The following USP25 variants were observed in gnomAD, a reference collection of about 807,000 sequenced individuals.
The protein encoded by USP25 is ubiquitin carboxyl-terminal hydrolase 25.
USP25 carries 85 observed loss-of-function variants against 158.5 expected under a neutral mutation model. That is an observed-to-expected ratio of 0.54 (90% CI 0.45 to 0.64). The LOEUF is 0.64. Ranked by LOEUF, USP25 falls within the 30% of genes least tolerant of loss-of-function variation. The pLI is 0.00. For missense variants in USP25, 1,242 were observed against 1,327.3 expected, an observed-to-expected ratio of 0.94 and a Z score of 1.00; for synonymous variants, 464 against 460.4, an observed-to-expected ratio of 1.01 and a Z score of -0.10.
chr21:15,749,523 A>G (rs1457352325), intron 1 of USP25, among the ~76,000 whole-genome samples: 2 of 152,330 alleles, frequency 1.3e-5, no homozygotes, highest in South Asian at 2.1e-4. Context: ...TAGGTTTTCA[A>G]TTGCATGTGT....
intron 8 of USP25, among the ~76,000 whole-genome samples, chr21:15,810,935 A>G (rs937428651): frequency 6.6e-6 from 1 of 152,334 alleles, no homozygotes; most frequent in Middle Eastern, 3.4e-3. Context: ...TGCAGCTATC[A>G]TAGTTATCCG....
chr21:15,743,319 C>T (rs2032236085), intron 1 of USP25, among the ~76,000 whole-genome samples: 1 of 152,196 alleles, frequency 6.6e-6, no homozygotes, highest in Non-Finnish European at 1.5e-5. Context: ...TCTTTGTTCC[C>T]ACCGTTTGGC....
At chr21:15,802,117 C>T (rs1386696465) in intron 6 of USP25, among the ~76,000 whole-genome samples, 1 of 151,440 alleles carries the variant, frequency 6.6e-6, no homozygotes, top group African/African-American at 2.4e-5. Flanking sequence ...CAAAGATGCA[C>T]ATGTATAATA....
chr21:15,824,134 A>G lies in USP25; in HGVS notation c.1176A>G (p.Lys392=). The change falls in exon 11 of 26, where the codon AAA becomes AAG. Residue 392 remains lysine (K), a synonymous_variant. Transcript: ENST00000400183. ...ALGRPEKIHN[K]LEFPQVLYLD... is the part of the protein sequence containing the mutation. ...GAAGACCAGAAAAAATTCACAACAAATTAGAATTTCCCCAAGTTTTATATT... is the reference window on the plus strand; with the variant it reads ...GAAGACCAGAAAAAATTCACAACAAGTTAGAATTTCCCCAAGTTTTATATT... 1.2e-6 allele frequency: 2 copies of G among 1,613,438 alleles called. No homozygotes were observed. The highest frequency in any genetic ancestry group is 1.7e-6 in the Non-Finnish European group (2 of 1,179,834).
chr21:15,833,011 C>G (rs974391121), intron 16 of USP25, among the ~76,000 whole-genome samples: 3 of 151,972 alleles, frequency 2.0e-5, no homozygotes, highest in African/African-American at 7.2e-5. Context: ...GCATGACACT[C>G]TGTCTCAAAA....
chr21:15,797,677 G>A (rs1287374808), intron 5 of USP25, among the ~76,000 whole-genome samples: 1 of 151,214 alleles, frequency 6.6e-6, no homozygotes, highest in Non-Finnish European at 1.5e-5. Flanking sequence ...CTTCTAACCT[G>A]CCAAGATTCT....
rs2040045452 is a variant in USP25 at position 15,875,017 on chromosome 21, C to G, written c.3009+491C>G. Among the ~76,000 whole-genome samples the G allele has an allele frequency of 1.3e-5, 2 of 151,924 alleles. No homozygotes were observed. The highest frequency in any genetic ancestry group is 2.1e-4 in the South Asian group (1 of 4,814). On this transcript the variant is annotated intron_variant, in intron 24 of 25. Transcript: ENST00000400183. The surrounding 1 kb of genome is among the most constrained non-coding windows in gnomAD (Gnocchi z 4.7). ...CCATCTCGACTAAAATACACAAACA[C>G]AAAAATTAGCTGGATATGGTGGTGT...
At chr21:15,857,764 G>A (rs548140159) in intron 20 of USP25, among the ~76,000 whole-genome samples, 3 of 151,954 alleles carry the variant, frequency 2.0e-5, no homozygotes, top group Admixed American at 6.6e-5. Flanking sequence ...ATTTGGTCCT[G>A]TGATCACTTA....
At chr21:15,811,993 G>A (rs774963931) in intron 9 of USP25, among the ~76,000 whole-genome samples, 1 of 152,046 alleles carries the variant, frequency 6.6e-6, no homozygotes, top group Non-Finnish European at 1.5e-5. Flanking sequence ...GAACGTAGGT[G>A]GTTTGGGATT....
At chr21:15,800,675 C>T (rs2036089760) in intron 6 of USP25, among the ~76,000 whole-genome samples, 1 of 151,320 alleles carries the variant, frequency 6.6e-6, no homozygotes, top group Non-Finnish European at 1.5e-5. Flanking sequence ...ATCTGTAGTC[C>T]TAAAGTGGAC....
intron 14 of USP25, among the ~76,000 whole-genome samples, 189 bp downstream of exon 14, chr21:15,827,392 C>A (rs1034194402): frequency 3.9e-5 from 6 of 152,104 alleles, no homozygotes; most frequent in Non-Finnish European, 8.8e-5. Context: ...TTCACAGGGA[C>A]CAAAAGATTT....
At chr21:15,789,051 G>C (rs1426478273) in intron 4 of USP25, among the ~76,000 whole-genome samples, 1 of 152,006 alleles carries the variant, frequency 6.6e-6, no homozygotes, top group Non-Finnish European at 1.5e-5. Flanking sequence ...TGTGACAAAT[G>C]GTTCAGGCTT....
intron 23 of USP25, among the ~76,000 whole-genome samples, chr21:15,871,534 T>A (rs1273698496): frequency 1.3e-5 from 2 of 152,206 alleles, no homozygotes; most frequent in South Asian, 4.1e-4. Flanking sequence ...CCTCGTATTC[T>A]TGTATAATTT....
chr21:15,869,558 A>G (rs1228855260), intron 22 of USP25, among the ~76,000 whole-genome samples: 1 of 152,158 alleles, frequency 6.6e-6, no homozygotes, highest in East Asian at 1.9e-4. Flanking sequence ...TCTCATGTAA[A>G]TAAACTATTC....
chr21:15,820,774 C>G (rs566897174), intron 10 of USP25, among the ~76,000 whole-genome samples: 1 of 151,930 alleles, frequency 6.6e-6, no homozygotes. Flanking sequence ...TAGCTTTTTC[C>G]TCAATCTATT....
At chr21:15,742,645 A>T (rs2032164739) in intron 1 of USP25, among the ~76,000 whole-genome samples, 1 of 152,174 alleles carries the variant, frequency 6.6e-6, no homozygotes, top group South Asian at 2.1e-4. Flanking sequence ...ATGAGCACAG[A>T]AGAAAGGAAA....
rs182225458 is a variant in USP25, at chr21:15,843,196, A to G, written c.2337+656A>G. ...TGAATATGGCATTCTGAGAGAAGCT[A>G]TTTCAAGAATTTGTTACTACTAAAC... On this transcript the variant is annotated intron_variant, in intron 18 of 25. Transcript: ENST00000400183. The surrounding 1 kb of genome is among the most constrained non-coding windows in gnomAD (Gnocchi z 4.0). Among the ~76,000 whole-genome samples, 92 of 152,262 alleles carry G rather than the reference A, an allele frequency of 6.0e-4. No individual in the cohort carries two copies. Among genetic ancestry groups the G allele is most frequent in the African/African-American group, 2.2e-3 (92 of 41,556 alleles).
chr21:15,730,520 C>A, intron 1 of USP25, 82 bp downstream of exon 1: 1 of 1,260,150 alleles, frequency 7.9e-7, no homozygotes, highest in Non-Finnish European at 1.0e-6. Flanking sequence ...GCGCCCCGGC[C>A]TCGCCGCCGC....
intron 8 of USP25, among the ~76,000 whole-genome samples, chr21:15,809,455 A>T (rs1282802428): frequency 6.6e-6 from 1 of 152,110 alleles, no homozygotes; most frequent in Non-Finnish European, 1.5e-5. Context: ...GGCTACGAAA[A>T]AAAACGAAAC....
Sources: allele counts gnomAD v4.1 joint callset (sites outside exome capture counted in the v4.1 genomes callset), GRCh38; gene constraint gnomAD v4.1.1; non-coding constraint Gnocchi (gnomAD v3.1); transcripts MANE v1.5; gene names NCBI Gene and HGNC (gene_info 2026-07-23, HGNC 2026-07-21).